The following ANK2 variants were observed in gnomAD, a reference collection of about 807,000 sequenced individuals.
ANK2 encodes the protein ankyrin 2, also known as ankyrin-2.
In ANK2, 83 loss-of-function variants were observed where a neutral mutation model predicts 360.5. The observed-to-expected ratio is 0.23, with a 90% CI of 0.19 to 0.28. The LOEUF is 0.28. Ranked by LOEUF, ANK2 falls within the 10% of genes least tolerant of loss-of-function variation. The pLI is 1.00. For synonymous variants in ANK2, 1,740 were observed against 1,759.5 expected, an observed-to-expected ratio of 0.99 and a Z score of 0.28; for missense variants, 4,201 against 4,795.7, an observed-to-expected ratio of 0.88 and a Z score of 3.66.
At chr4:112,832,352 C>T (rs994208879) in intron 1 of ANK2, among the ~76,000 whole-genome samples, 9 of 152,200 alleles carry the variant, frequency 5.9e-5, no homozygotes, top group South Asian at 2.1e-4. Flanking sequence ...AGTACCGGGC[C>T]TGTAGGGTGT....
chr4:112,761,379 G>C, the ANK2 span, among the ~76,000 whole-genome samples: 6 of 152,094 alleles, frequency 3.9e-5, no homozygotes, highest in Non-Finnish European at 7.4e-5. Context: ...CCAGCACTTT[G>C]GGAGGCCGAG....
the ANK2 span, among the ~76,000 whole-genome samples, chr4:112,787,695 G>A: frequency 6.4e-4 from 97 of 152,272 alleles, no homozygotes; most frequent in African/African-American, 2.0e-3. Flanking sequence ...CCACTTCTGC[G>A]TAAAGAATGA....
intron 4 of ANK2, among the ~76,000 whole-genome samples, chr4:113,210,316 T>G (rs913795606): frequency 6.6e-6 from 1 of 152,170 alleles, no homozygotes; most frequent in Admixed American, 6.5e-5. Flanking sequence ...TTAGGGACAA[T>G]TTTCACATTG....
At chr4:112,764,353 GAGA>G in the ANK2 span, among the ~76,000 whole-genome samples, 44 of 147,746 alleles carry the variant, frequency 3.0e-4, no homozygotes, top group African/African-American at 1.0e-3. Context: ...TTTTTTTTTT[GAGA>G]AGAAGTTTCG....
chr4:113,051,201 G>A (rs1211808265), intron 1 of ANK2, among the ~76,000 whole-genome samples: 1 of 152,104 alleles, frequency 6.6e-6, no homozygotes, highest in Admixed American at 6.6e-5. Flanking sequence ...GCGCGAGCAA[G>A]CAAGAGAGAG....
At chr4:112,839,965 C>A (rs1207823766) in intron 1 of ANK2, among the ~76,000 whole-genome samples, 1 of 152,198 alleles carries the variant, frequency 6.6e-6, no homozygotes, top group East Asian at 1.9e-4. Context: ...GTATGTTGAG[C>A]TATGGCCTAT....
intron 1 of ANK2, among the ~76,000 whole-genome samples, chr4:112,844,981 C>T (rs115419246): frequency 6.6e-4 from 100 of 152,230 alleles, no homozygotes; most frequent in African/African-American, 2.2e-3. Context: ...AGCACAGCAA[C>T]ATATTTCAGA....
the ANK2 span, among the ~76,000 whole-genome samples, chr4:112,727,279 A>T: frequency 2.0e-5 from 3 of 152,218 alleles, no homozygotes; most frequent in East Asian, 5.8e-4. Flanking sequence ...TCTGAGCCTC[A>T]GTTTCATCAC....
chr4:113,156,138 A>G (rs2097279597), intron 1 of ANK2, among the ~76,000 whole-genome samples: 1 of 152,208 alleles, frequency 6.6e-6, no homozygotes, highest in South Asian at 2.1e-4. Context: ...TGTTGCTTAA[A>G]ATAATGAATA....
At chr4:113,144,566 T>C (rs538703547) in intron 1 of ANK2, among the ~76,000 whole-genome samples, 11 of 151,816 alleles carry the variant, frequency 7.2e-5, no homozygotes, top group African/African-American at 2.7e-4. Context: ...AATTCAATAC[T>C]TTTTTTAGAC....
At chr4:113,163,136 T>G (rs551082916) in intron 1 of ANK2, among the ~76,000 whole-genome samples, 3 of 152,244 alleles carry the variant, frequency 2.0e-5, no homozygotes, top group South Asian at 2.1e-4. Context: ...CTTAAAAAAT[T>G]TTATGTTAAA....
upstream of ANK2, among the ~76,000 whole-genome samples, chr4:113,049,143 A>C (rs2065835148): frequency 6.6e-6 from 1 of 152,168 alleles, no homozygotes; most frequent in Non-Finnish European, 1.5e-5. Flanking sequence ...TTTATGACAG[A>C]AGTCATCCTT....
At chr4:113,150,965 A>G in intron 1 of ANK2, 1 of 854,508 alleles carries the variant, frequency 1.2e-6, no homozygotes, top group Non-Finnish European at 1.6e-6. Context: ...ATTTTCTTTG[A>G]AGTTCCTACC....
rs2097175967 is a variant in ANK2 at position 113,381,662 on chromosome 4, C to G, written c.*191C>G. On this transcript the variant is annotated 3_prime_UTR_variant, in exon 46 of 46. Transcript: ENST00000357077. ...GTGAGGGGCTGCCCAGTTCTCACAC[C>G]AGAAACCACACATTCACTCAATATG... 3 of 1,540,318 alleles carry G rather than the reference C, an allele frequency of 1.9e-6. No homozygotes were observed. The East Asian group carries it at 7.3e-5, about 38-fold the overall frequency.
intron 2 of ANK2, among the ~76,000 whole-genome samples, chr4:112,954,503 A>G (rs751325374): frequency 6.6e-6 from 1 of 152,152 alleles, no homozygotes; most frequent in Non-Finnish European, 1.5e-5. Flanking sequence ...GCACACTACT[A>G]CAAACTCTAA....
the ANK2 span, among the ~76,000 whole-genome samples, chr4:112,772,651 A>G: frequency 6.6e-6 from 1 of 152,330 alleles, no homozygotes; most frequent in Admixed American, 6.5e-5. Context: ...AAATAGCCTC[A>G]TTAACTAGTA....
chr4:113,073,760 G>A (rs923039407), intron 1 of ANK2, among the ~76,000 whole-genome samples: 14 of 152,146 alleles, frequency 9.2e-5, no homozygotes, highest in Admixed American at 6.5e-4. Flanking sequence ...GCTGATCATC[G>A]ACGGCTGCCA....
intron 1 of ANK2, among the ~76,000 whole-genome samples, chr4:113,100,602 A>G (rs1470223938): frequency 2.0e-5 from 3 of 152,282 alleles, no homozygotes; most frequent in South Asian, 4.1e-4. Flanking sequence ...GTCTTACTGT[A>G]CAATCTAGTG....
At chr4:112,903,374 G>C (rs939514566) in intron 1 of ANK2, among the ~76,000 whole-genome samples, 3 of 152,164 alleles carry the variant, frequency 2.0e-5, no homozygotes, top group African/African-American at 7.2e-5. Context: ...TCAACACTGA[G>C]ATTTCTGAAA....
Sources: allele counts gnomAD v4.1 joint callset (sites outside exome capture counted in the v4.1 genomes callset), GRCh38; gene constraint gnomAD v4.1.1; transcripts MANE v1.5; gene names NCBI Gene and HGNC (gene_info 2026-07-23, HGNC 2026-07-21).